TRIM44: variants seen among roughly 807,000 people sequenced by gnomAD.
TRIM44 encodes tripartite motif-containing protein 44.
In TRIM44, 13 loss-of-function variants were observed where a neutral mutation model predicts 37.4. That is an observed-to-expected ratio of 0.35 (90% CI 0.23 to 0.55). The LOEUF (loss-of-function observed/expected upper bound fraction) is 0.55, where lower values mean the gene tolerates loss of function less well. Among genes scored for constraint, TRIM44 ranks in the 20% least tolerant of loss-of-function variants. The probability of loss-of-function intolerance (pLI) is 0.89; values close to 1 mark genes in which losing one functional copy is unlikely to be tolerated. For missense variants in TRIM44, 426 were observed against 437.2 expected, an observed-to-expected ratio of 0.97 and a Z score of 0.23; for synonymous variants, 175 against 157.2, an observed-to-expected ratio of 1.11 and a Z score of -0.85.
chr11:35,810,604 ACAG>A lies in TRIM44; in HGVS notation c.*4223_*4225del, dbSNP rs1257833725. The A allele has an allele frequency of 6.6e-6, 1 of 152,194 alleles. No individual in the cohort carries two copies. The highest frequency in any genetic ancestry group is 1.5e-5 in the Non-Finnish European group (1 of 68,042). 9.4% of individuals were successfully genotyped at this position (152,194 alleles called of 1,614,324 possible). On this transcript the variant is annotated 3_prime_UTR_variant, in exon 5 of 5. Transcript: ENST00000299413. ...ATTTGGAACTGAGAACATACCAGAA[ACAG>A]CAGAACGAGGGCCAGAGCAGAAAAA...
At chr11:35,740,606 A>T (rs1249437117) in intron 4 of TRIM44, among the ~76,000 whole-genome samples, 1 of 152,204 alleles carries the variant, frequency 6.6e-6, no homozygotes, top group Non-Finnish European at 1.5e-5. Context: ...GCGATCAAAC[A>T]GGAAGCGTGT....
chr11:35,685,989 G>C (rs1851572720), intron 2 of TRIM44, among the ~76,000 whole-genome samples: 1 of 152,162 alleles, frequency 6.6e-6, no homozygotes, highest in Non-Finnish European at 1.5e-5. Context: ...TAATGCCAGG[G>C]ACTGGCATGG....
chr11:35,760,612 T>C (rs988548841), intron 4 of TRIM44, among the ~76,000 whole-genome samples: 1 of 152,230 alleles, frequency 6.6e-6, no homozygotes. Context: ...AGACTGGAAC[T>C]GTTCCTATTC....
chr11:35,731,781 G>A (rs1852263806), intron 3 of TRIM44, among the ~76,000 whole-genome samples: 1 of 152,084 alleles, frequency 6.6e-6, no homozygotes, highest in Non-Finnish European at 1.5e-5. Context: ...ATTGGAAAAA[G>A]TATGTTCAGA....
intron 1 of TRIM44, among the ~76,000 whole-genome samples, chr11:35,684,238 T>C (rs925148037): frequency 6.6e-6 from 1 of 152,114 alleles, no homozygotes; most frequent in African/African-American, 2.4e-5. Context: ...AATTGTGAAA[T>C]ACTAGATTTC....
At chr11:35,673,068 G>A (rs922729028) in intron 1 of TRIM44, among the ~76,000 whole-genome samples, 1 of 152,220 alleles carries the variant, frequency 6.6e-6, no homozygotes, top group African/African-American at 2.4e-5. Context: ...GAAGTATGCA[G>A]TGAACTAGAC....
At chr11:35,691,864 C>G (rs1274095252) in intron 2 of TRIM44, among the ~76,000 whole-genome samples, 1 of 152,168 alleles carries the variant, frequency 6.6e-6, no homozygotes, top group East Asian at 1.9e-4. Flanking sequence ...CCAGAATGGT[C>G]TCGATCTCCT....
At chr11:35,798,401 T>C (rs1853321294) in intron 4 of TRIM44, among the ~76,000 whole-genome samples, 1 of 152,210 alleles carries the variant, frequency 6.6e-6, no homozygotes, top group Non-Finnish European at 1.5e-5. Context: ...GGTCCCGAGA[T>C]TTATTTTCCT....
At position 35,812,030 on chromosome 11, in the gene TRIM44, C is replaced by T. The variant is rs1047389988; in HGVS notation, c.*5645C>T. 3.3e-5 allele frequency: 5 copies of T among 152,206 alleles called. No individual in the cohort carries two copies. The highest frequency in any genetic ancestry group is 2.0e-4 in the Admixed American group (3 of 15,282). 9.4% of individuals were successfully genotyped at this position (152,206 alleles called of 1,614,324 possible). On this transcript the variant is annotated 3_prime_UTR_variant, in exon 5 of 5. Coordinates refer to ENST00000299413, the MANE Select transcript of TRIM44 (RefSeq NM_017583.6). ...TGCCACTGTAGCACTTAGGAGTCTT[C>T]AGTGTTTTAACAAACCACAATGTGT... is the stretch of plus-strand genomic sequence containing the variant.
chr11:35,763,852 G>T (rs529300797), intron 4 of TRIM44, among the ~76,000 whole-genome samples: 2 of 152,284 alleles, frequency 1.3e-5, no homozygotes, highest in South Asian at 4.2e-4. Flanking sequence ...TGGGATCCTT[G>T]GGAAGACACA....
rs939714313 is a variant in TRIM44 at position 35,815,476 on chromosome 11, A to G, written c.*9091A>G. The G allele has an allele frequency of 5.9e-5, 9 of 152,168 alleles. No homozygotes were observed. Among genetic ancestry groups the G allele is most frequent in the African/African-American group, 2.2e-4 (9 of 41,440 alleles). The allele number at this position is 152,168 out of a possible 1,614,324, so 9.4% of individuals were successfully genotyped here. On this transcript the variant is annotated 3_prime_UTR_variant, in exon 5 of 5. Transcript: ENST00000299413. ...AGGTGGGGAGGATGACAAACCACTG[A>G]TAACAATAAAAATGGGTATTTCTCA...
intron 2 of TRIM44, among the ~76,000 whole-genome samples, chr11:35,725,693 C>G (rs1394173624): frequency 1.3e-5 from 2 of 151,018 alleles, no homozygotes; most frequent in Non-Finnish European, 3.0e-5. Flanking sequence ...TGAACAAAAC[C>G]GAAAGGAAAA....
At chr11:35,804,923 A>ATAT (rs2133885457) in intron 4 of TRIM44, among the ~76,000 whole-genome samples, 1 of 152,320 alleles carries the variant, frequency 6.6e-6, no homozygotes, top group African/African-American at 2.4e-5. Context: ...GCTGCCTAGG[A>ATAT]TATTTTCCCT....
intron 4 of TRIM44, among the ~76,000 whole-genome samples, chr11:35,752,060 C>G (rs139615125): frequency 3.3e-5 from 5 of 152,282 alleles, no homozygotes; most frequent in African/African-American, 1.2e-4. Flanking sequence ...GTTTTCTCCT[C>G]TGTCCTCCAA....
At chr11:35,762,987 T>C (rs544827357) in intron 4 of TRIM44, among the ~76,000 whole-genome samples, 5 of 152,326 alleles carry the variant, frequency 3.3e-5, no homozygotes, top group African/African-American at 1.2e-4. Flanking sequence ...TGCAAGGCAC[T>C]ATTTTAAGTA....
Position 35,810,967 on chromosome 11 carries a change from G to A in TRIM44, c.*4582G>A, listed in dbSNP as rs750120869. 2.6e-5 allele frequency: 4 copies of A among 152,136 alleles called. No individual in the cohort carries two copies. Among genetic ancestry groups the A allele is most frequent in the Non-Finnish European group, 4.4e-5 (3 of 68,014 alleles). The allele number at this position is 152,136 out of a possible 1,614,324, so 9.4% of individuals were successfully genotyped here. A position where few individuals can be genotyped will look rare whatever the true frequency, so the allele number is the denominator to read the frequency against. On this transcript the variant is annotated 3_prime_UTR_variant, in exon 5 of 5. Transcript: ENST00000299413. The stretch of plus-strand genomic sequence containing the variant: ...TCATTTTCATACTGTAAATTATTTT[G>A]TAAGAGAGATTTACTGCTATCCCAG...
rs1183886569 is a variant in TRIM44, at chr11:35,663,131, C to T, written c.20C>T (p.Ala7Val). 9 of 1,529,946 alleles carry T rather than the reference C, an allele frequency of 5.9e-6. No individual in the cohort carries two copies. Among genetic ancestry groups the T allele is most frequent in the East Asian group, 2.3e-5 (1 of 44,214 alleles). The allele number at this position is 1,529,946 out of a possible 1,614,324, so 94.8% of individuals were successfully genotyped here. Residue 7 changes from alanine (A) to valine (V), a missense_variant, in exon 1 of 5, where the codon GCG becomes GTG. Transcript: ENST00000299413. MASGVG[A>V]AFEELPHDGT... ...ACCCACATGGCCTCTGGAGTGGGCG[C>T]GGCCTTCGAGGAACTGCCTCACGAC...
intron 4 of TRIM44, among the ~76,000 whole-genome samples, chr11:35,784,890 A>T (rs1853109842): frequency 6.6e-6 from 1 of 152,196 alleles, no homozygotes; most frequent in Non-Finnish European, 1.5e-5. Context: ...CAGTCTCTCA[A>T]GCCTTAATTT....
intron 2 of TRIM44, among the ~76,000 whole-genome samples, chr11:35,695,881 A>C (rs1851690860): frequency 6.7e-6 from 1 of 149,234 alleles, no homozygotes; most frequent in African/African-American, 2.5e-5. Flanking sequence ...AATCTGAAGA[A>C]GATTAAACTT....
Sources: allele counts gnomAD v4.1 joint callset (sites outside exome capture counted in the v4.1 genomes callset), GRCh38; gene constraint gnomAD v4.1.1; transcripts MANE v1.5; gene names NCBI Gene and HGNC (gene_info 2026-07-23, HGNC 2026-07-21).